TCF7L2: variants seen among roughly 807,000 people sequenced by gnomAD.
TCF7L2 encodes transcription factor 7 like 2, also known as transcription factor 7-like 2.
In TCF7L2, 23 loss-of-function variants were observed where a neutral mutation model predicts 77.9. That is an observed-to-expected ratio of 0.30 (90% CI 0.21 to 0.42). TCF7L2 has a LOEUF of 0.42. Ranked by LOEUF, TCF7L2 falls within the 10% of genes least tolerant of loss-of-function variation. The probability of loss-of-function intolerance (pLI) is 1.00; values close to 1 mark genes in which losing one functional copy is unlikely to be tolerated. For synonymous variants in TCF7L2, 413 were observed against 340.2 expected, an observed-to-expected ratio of 1.21 and a Z score of -2.36; for missense variants, 654 against 793.1, an observed-to-expected ratio of 0.82 and a Z score of 2.11.
At chr10:113,108,459 G>A (rs1280578308) in intron 5 of TCF7L2, among the ~76,000 whole-genome samples, 1 of 152,104 alleles carries the variant, frequency 6.6e-6, no homozygotes, top group Non-Finnish European at 1.5e-5. Context: ...GGGGAGGGGT[G>A]CACACTGAAG....
At chr10:113,113,158 G>A (rs1056146621) in intron 5 of TCF7L2, among the ~76,000 whole-genome samples, 1 of 152,078 alleles carries the variant, frequency 6.6e-6, no homozygotes, top group Non-Finnish European at 1.5e-5. Flanking sequence ...TGGCCAACCC[G>A]GTCTGCCTTG....
intron 3 of TCF7L2, among the ~76,000 whole-genome samples, chr10:112,955,982 C>T (rs925797330): frequency 4.0e-5 from 6 of 151,898 alleles, no homozygotes; most frequent in African/African-American, 9.7e-5. Flanking sequence ...CAAAAAGTGC[C>T]TAGATTTCTC....
rs1384774201 is a variant in TCF7L2, at chr10:113,151,583, G to T, written c.1002-142G>T. On this transcript the variant is annotated intron_variant, in intron 9 of 13. Coordinates refer to ENST00000627217, the MANE Select transcript of TCF7L2 (RefSeq NM_001146274.2). The surrounding 1 kb of genome is among the most constrained non-coding windows in gnomAD (Gnocchi z 5.2). Reference sequence around the variant, plus strand: ...AGCTATTTTTGTTCCATTTTCCGGGGTGCAGAAGAACTAAAAGCATGCTTT... The same window carrying T: ...AGCTATTTTTGTTCCATTTTCCGGGTTGCAGAAGAACTAAAAGCATGCTTT... 1.9e-6 allele frequency: 2 copies of T among 1,056,452 alleles called. No individual in the cohort carries two copies. The highest frequency in any genetic ancestry group is 1.6e-5 in the African/African-American group (1 of 62,116). The allele number at this position is 1,056,452 out of a possible 1,614,324, so 65.4% of individuals were successfully genotyped here. A position where few individuals can be genotyped will look rare whatever the true frequency, so the allele number is the denominator to read the frequency against.
chr10:113,111,801 A>AAATAAATAAAT (rs1555075769), intron 5 of TCF7L2, among the ~76,000 whole-genome samples: 1 of 150,372 alleles, frequency 6.7e-6, no homozygotes, highest in African/African-American at 2.5e-5. Context: ...TTAAATAAAT[A>AAATAAATAAAT]AAATAAATAA....
intron 5 of TCF7L2, among the ~76,000 whole-genome samples, chr10:113,139,010 TG>T (rs138683619): frequency 0.017 from 2,575 of 152,310 alleles, 46 homozygotes; most frequent in South Asian, 0.028. Context: ...TGGCTGATGG[TG>T]GTCCTGCTCC....
intron 6 of TCF7L2, 129 bp from the exon 7 acceptor site, chr10:113,143,794 A>C: frequency 1.5e-6 from 1 of 649,122 alleles, no homozygotes; most frequent in Non-Finnish European, 2.6e-6. Context: ...ATTTATAATC[A>C]TGAATGAACC....
chr10:112,964,813 G>GGTGGTGGTGATGGTGGGGGTGGTGGTGGT (rs1564719445), intron 4 of TCF7L2, among the ~76,000 whole-genome samples, 189 bp downstream of exon 4: 2 of 98,410 alleles, frequency 2.0e-5, no homozygotes, highest in Non-Finnish European at 3.6e-5. Context: ...TGGTGGTGGT[G>GGTGGTGGTGATGGTGGGGGTGGTGGTGGT]GGGGGGGGTT....
At chr10:113,125,698 C>A (rs1234810953) in intron 5 of TCF7L2, 2 of 152,212 alleles carry the variant, frequency 1.3e-5, no homozygotes, top group East Asian at 3.8e-4. Flanking sequence ...CCGGCCAAAG[C>A]ATCAGAGCTG....
intron 5 of TCF7L2, among the ~76,000 whole-genome samples, chr10:113,073,296 TG>T (rs1364531217): frequency 6.6e-6 from 1 of 151,724 alleles, no homozygotes; most frequent in Non-Finnish European, 1.5e-5. Context: ...CTGTCCTGCT[TG>T]GGTCCTCCAG....
Position 113,141,460 on chromosome 10 carries a change from G to A in TCF7L2, c.685+144G>A. 2.4e-6 allele frequency: 3 copies of A among 1,226,760 alleles called. No individual in the cohort carries two copies. In the South Asian group the frequency reaches 4.7e-5, roughly 19 times the overall value. The allele number at this position is 1,226,760 out of a possible 1,614,324, so 76.0% of individuals were successfully genotyped here. A position where few individuals can be genotyped will look rare whatever the true frequency, so the allele number is the denominator to read the frequency against. ...TGGGGGGGCCCCTGTTGCTTTTCTG[G>A]GTGTTGAAAAGGAAGCTCTTTGGGG... On this transcript the variant is annotated intron_variant, in intron 6 of 13. Transcript: ENST00000627217.
chr10:113,046,242 C>T (rs1422920348), intron 5 of TCF7L2, among the ~76,000 whole-genome samples: 1 of 152,128 alleles, frequency 6.6e-6, no homozygotes, highest in Non-Finnish European at 1.5e-5. Flanking sequence ...GATTGTGTGA[C>T]CTCAGTTGTA....
At chr10:112,964,778 A>ATGGTGGTGGTGGTGG (rs1375511307) in intron 4 of TCF7L2, among the ~76,000 whole-genome samples, 154 bp downstream of exon 4, 8 of 80,096 alleles carry the variant, frequency 1.0e-4, no homozygotes, top group African/African-American at 4.5e-4. Context: ...GGTGGTGGTG[A>ATGGTGGTGGTGGTGG]TGGTGGTGGT....
intron 8 of TCF7L2, among the ~76,000 whole-genome samples, chr10:113,147,169 T>A (rs2069623612): frequency 6.6e-6 from 1 of 152,188 alleles, no homozygotes; most frequent in Non-Finnish European, 1.5e-5. Context: ...TAGACTTTGC[T>A]GATGGTCTGA....
At chr10:112,956,181 C>T (rs1283858862) in intron 3 of TCF7L2, among the ~76,000 whole-genome samples, 13 of 152,028 alleles carry the variant, frequency 8.6e-5, no homozygotes, top group Admixed American at 8.5e-4. Context: ...ATGACTAAAA[C>T]TCCGAGGACC....
chr10:112,952,123 C>T (rs779404481), intron 3 of TCF7L2, among the ~76,000 whole-genome samples: 122 of 152,282 alleles, frequency 8.0e-4, no homozygotes, highest in Non-Finnish European at 1.5e-3. Flanking sequence ...GCCCGATGCG[C>T]GGGGTAGAGA....
At chr10:112,957,190 C>CTTTTT (rs35054285) in intron 3 of TCF7L2, among the ~76,000 whole-genome samples, 4 of 60,650 alleles carry the variant, frequency 6.6e-5, no homozygotes, top group African/African-American at 2.9e-4. Flanking sequence ...ACACCCCCAC[C>CTTTTT]TTTTTTTTTT....
At position 113,126,829 on chromosome 10, in the gene TCF7L2, G is replaced by A. The variant is rs923361331; in HGVS notation, c.553-14355G>A. 1.0e-5 allele frequency: 10 copies of A among 986,992 alleles called. No homozygotes were observed. The African/African-American group carries it at 1.7e-4, about 17-fold the overall frequency. The allele number at this position is 986,992 out of a possible 1,614,324, so 61.1% of individuals were successfully genotyped here. A position where few individuals can be genotyped will look rare whatever the true frequency, so the allele number is the denominator to read the frequency against. ...CCTGGGCAGCATCTGGGCGCAGGCAGCATGCCCGCGAGCCGGCAGCGGGAA... is the reference window on the plus strand; with the variant it reads ...CCTGGGCAGCATCTGGGCGCAGGCAACATGCCCGCGAGCCGGCAGCGGGAA... On this transcript the variant is annotated intron_variant, in intron 5 of 13. Transcript: ENST00000627217.
intron 5 of TCF7L2, among the ~76,000 whole-genome samples, chr10:113,044,846 G>A (rs370396797): frequency 9.9e-5 from 15 of 152,254 alleles, no homozygotes; most frequent in African/African-American, 3.1e-4. Flanking sequence ...GCAGGGCTCC[G>A]GGAGAGTGAC....
At chr10:113,094,734 A>C (rs2060762882) in intron 5 of TCF7L2, among the ~76,000 whole-genome samples, 1 of 152,238 alleles carries the variant, frequency 6.6e-6, no homozygotes, top group Non-Finnish European at 1.5e-5. Flanking sequence ...TTTCCTATAT[A>C]TGCCACAAAA....
Sources: gnomAD v4.1 joint callset for allele counts (sites outside exome capture counted in the v4.1 genomes callset) on GRCh38, gnomAD v4.1.1 for gene constraint, Gnocchi (gnomAD v3.1) non-coding constraint, MANE v1.5 for transcripts, NCBI Gene and HGNC (gene_info 2026-07-23, HGNC 2026-07-21) for gene names.